MAML3: variants seen among roughly 807,000 people sequenced by gnomAD.
MAML3 encodes mastermind-like protein 3.
Under a neutral mutation model 101.9 loss-of-function variants are expected in MAML3, and 27 were observed. The ratio of observed to expected loss-of-function variants is 0.27; its 90% confidence interval spans 0.20 to 0.37. The LOEUF is 0.37. Ranked by LOEUF, MAML3 falls within the 10% of genes least tolerant of loss-of-function variation. The pLI is 1.00. For missense variants in MAML3, 1,316 were observed against 1,444.9 expected (o/e 0.91, Z 1.45); for synonymous variants, 501 against 555.9 (o/e 0.90, Z 1.39).
At chr4:139,983,221 T>C (rs915854292) in intron 1 of MAML3, among the ~76,000 whole-genome samples, 8 of 152,324 alleles carry the variant, frequency 5.3e-5, no homozygotes, top group Non-Finnish European at 8.8e-5. Context: ...ACAGAGTATA[T>C]CCACCACCCT....
At chr4:139,881,934 C>T (rs958789685) in intron 2 of MAML3, among the ~76,000 whole-genome samples, 3 of 152,208 alleles carry the variant, frequency 2.0e-5, no homozygotes, top group East Asian at 1.9e-4. Context: ...TCAAGTGATC[C>T]GCCCGCCTCA....
At chr4:140,117,836 A>G (rs905976819) in intron 1 of MAML3, among the ~76,000 whole-genome samples, 1 of 152,134 alleles carries the variant, frequency 6.6e-6, no homozygotes, top group African/African-American at 2.4e-5. Flanking sequence ...AAGGAGCCCA[A>G]CAGTTTCTCT....
rs1479312612 is a variant in MAML3 at position 140,089,393 on chromosome 4, T to C, written c.468+63467A>G. Reference sequence around the variant, plus strand: ...TCCCAGCATGATGTAACAGACACTGTCTAAACTCATAGTTGGAATTCCAAG... The same window carrying C: ...TCCCAGCATGATGTAACAGACACTGCCTAAACTCATAGTTGGAATTCCAAG... On this transcript the variant is annotated intron_variant, in intron 1 of 4. Coordinates refer to ENST00000509479, the MANE Select transcript of MAML3 (RefSeq NM_018717.5). Among the ~76,000 whole-genome samples the C allele has an allele frequency of 2.6e-5, 4 of 152,338 alleles. No individual in the cohort carries two copies. The East Asian group carries it at 5.8e-4, about 22-fold the overall frequency.
intron 2 of MAML3, among the ~76,000 whole-genome samples, chr4:139,858,880 G>A (rs1028821118): frequency 6.6e-6 from 1 of 152,174 alleles, no homozygotes; most frequent in Non-Finnish European, 1.5e-5. Flanking sequence ...AGTTAAGACT[G>A]AAATTAATCA....
At chr4:140,060,001 A>T (rs1456918030) in intron 1 of MAML3, among the ~76,000 whole-genome samples, 2 of 152,152 alleles carry the variant, frequency 1.3e-5, no homozygotes, top group Non-Finnish European at 2.9e-5. Context: ...ATTTCAATTA[A>T]TAAAGGTCTA....
At chr4:139,875,939 A>T (rs1732107871) in intron 2 of MAML3, among the ~76,000 whole-genome samples, 2 of 145,748 alleles carry the variant, frequency 1.4e-5, no homozygotes, top group African/African-American at 2.7e-5. Context: ...AAAAAAAAAA[A>T]AAAAATCACC....
At chr4:140,059,944 C>T (rs954870461) in intron 1 of MAML3, among the ~76,000 whole-genome samples, 2 of 152,024 alleles carry the variant, frequency 1.3e-5, no homozygotes, top group African/African-American at 4.8e-5. Flanking sequence ...TCAAAAGATC[C>T]CCAATTTTTG....
In MAML3 at chr4:140,049,621, CAGGAGTTATTTTTAATGAGT is replaced by C. The variant is rs770969789; in HGVS notation, c.468+103219_468+103238del. 8.0e-4 allele frequency among the ~76,000 whole-genome samples: 121 copies of C among 152,152 alleles called. 1 individual carries two copies. Among genetic ancestry groups the C allele is most frequent in the Admixed American group, 4.0e-3 (61 of 15,288 alleles). ...CTATGGGGGAAGAGCAAAGACTGGA[CAGGAGTTATTTTTAATGAGT>C]ATCTACGTATAAATCATACATGTTG... On this transcript the variant is annotated intron_variant, in intron 1 of 4. Transcript: ENST00000509479.
chr4:139,903,130 A>T (rs1343135946), intron 1 of MAML3, among the ~76,000 whole-genome samples: 2 of 152,248 alleles, frequency 1.3e-5, no homozygotes, highest in African/African-American at 4.8e-5. Flanking sequence ...CAGTGAAGAC[A>T]GTAATGTTCA....
intron 2 of MAML3, among the ~76,000 whole-genome samples, chr4:139,745,799 T>C (rs144280127): frequency 9.8e-5 from 15 of 152,338 alleles, no homozygotes; most frequent in African/African-American, 3.4e-4. Context: ...ACCTGGTTTT[T>C]GACAGGGAGT....
intron 2 of MAML3, among the ~76,000 whole-genome samples, chr4:139,876,528 C>T (rs996694177): frequency 1.3e-5 from 2 of 152,222 alleles, no homozygotes; most frequent in Admixed American, 6.5e-5. Flanking sequence ...CCTCCTGTTC[C>T]AGGGCCTTCA....
At chr4:139,958,248 G>A (rs1213003736) in intron 1 of MAML3, among the ~76,000 whole-genome samples, 2 of 152,102 alleles carry the variant, frequency 1.3e-5, no homozygotes, top group Non-Finnish European at 2.9e-5. Flanking sequence ...CATCTTATAT[G>A]GAGAATGTTT....
At chr4:140,078,061 G>A (rs1457533094) in intron 1 of MAML3, among the ~76,000 whole-genome samples, 1 of 121,710 alleles carries the variant, frequency 8.2e-6, no homozygotes, top group South Asian at 2.7e-4. Flanking sequence ...ATAAAGACAG[G>A]TTTTTCTGTT....
At chr4:139,775,239 A>G (rs2111072865) in intron 2 of MAML3, among the ~76,000 whole-genome samples, 1 of 152,306 alleles carries the variant, frequency 6.6e-6, no homozygotes, top group African/African-American at 2.4e-5. Context: ...TTACTCACAC[A>G]ATAAACAGGT....
Position 140,081,250 on chromosome 4 carries a change from T to TA in MAML3, c.468+71609dup, listed in dbSNP as rs200527871. Among the ~76,000 whole-genome samples the TA allele has an allele frequency of 1.1e-3, 168 of 146,842 alleles. No individual in the cohort carries two copies. The South Asian group carries it at 0.018, about 16-fold the overall frequency. On this transcript the variant is annotated intron_variant, in intron 1 of 4. Coordinates refer to ENST00000509479, the MANE Select transcript of MAML3 (RefSeq NM_018717.5). The stretch of plus-strand genomic sequence containing the variant: ...GTCTTTGTCAGGAGATTAAACACAT[T>TA]AAAAAAAAAACAAATATACATACAC...
At chr4:140,079,107 T>G (rs549333062) in intron 1 of MAML3, among the ~76,000 whole-genome samples, 1 of 152,230 alleles carries the variant, frequency 6.6e-6, no homozygotes, top group South Asian at 2.1e-4. Context: ...TTTTATACAG[T>G]GCCCACCACT....
chr4:139,786,424 T>C (rs964717921), intron 2 of MAML3, among the ~76,000 whole-genome samples: 32 of 152,172 alleles, frequency 2.1e-4, no homozygotes, highest in African/African-American at 7.7e-4. Flanking sequence ...ATATGGCTTA[T>C]GAAGAGTGGC....
intron 2 of MAML3, among the ~76,000 whole-genome samples, chr4:139,772,063 C>A (rs540906769): frequency 6.7e-6 from 1 of 149,018 alleles, no homozygotes; most frequent in South Asian, 2.2e-4. Flanking sequence ...CACGGTGAAA[C>A]CCCCGTCTCT....
At chr4:139,914,248 C>T (rs763771040) in intron 1 of MAML3, among the ~76,000 whole-genome samples, 1 of 152,132 alleles carries the variant, frequency 6.6e-6, no homozygotes, top group Non-Finnish European at 1.5e-5. Context: ...CATCTTTATA[C>T]ATTATAAAGG....
Sources: allele counts gnomAD v4.1 joint callset (sites outside exome capture counted in the v4.1 genomes callset), GRCh38; gene constraint gnomAD v4.1.1; transcripts MANE v1.5; gene names NCBI Gene and HGNC (gene_info 2026-07-23, HGNC 2026-07-21).